The following UBASH3B variants were observed in gnomAD, a reference collection of about 807,000 sequenced individuals.
UBASH3B encodes the protein ubiquitin-associated and SH3 domain-containing protein B.
In UBASH3B, 37 loss-of-function variants were observed where a neutral mutation model predicts 83.4. That is an observed-to-expected ratio of 0.44 (90% CI 0.34 to 0.58). The LOEUF is 0.58. Among genes scored for constraint, UBASH3B ranks in the 20% least tolerant of loss-of-function variants. UBASH3B has a pLI of 0.01. For synonymous variants in UBASH3B, 304 were observed against 318.3 expected (o/e 0.96, Z 0.48); for missense variants, 657 against 827.2 (o/e 0.79, Z 2.52).
At chr11:122,717,227 C>T (rs762636842) in intron 1 of UBASH3B, among the ~76,000 whole-genome samples, 1 of 152,066 alleles carries the variant, frequency 6.6e-6, no homozygotes, top group Non-Finnish European at 1.5e-5. Flanking sequence ...GAGATTCTCT[C>T]TTCTTCTCCC....
chr11:122,743,408 G>T (rs1004500093), intron 1 of UBASH3B, among the ~76,000 whole-genome samples: 2 of 152,062 alleles, frequency 1.3e-5, no homozygotes, highest in African/African-American at 2.4e-5. Flanking sequence ...ACAGTTGGGG[G>T]TCTCGCTATG....
chr11:122,735,674 A>G (rs1381063934), intron 1 of UBASH3B, among the ~76,000 whole-genome samples: 1 of 152,218 alleles, frequency 6.6e-6, no homozygotes, highest in Admixed American at 6.5e-5. Context: ...GAAATATTTG[A>G]TCTGGACATA....
chr11:122,750,291 G>A (rs76386404), intron 1 of UBASH3B, among the ~76,000 whole-genome samples: 1,808 of 152,178 alleles, frequency 0.012, 33 homozygotes, highest in African/African-American at 0.041. Flanking sequence ...CTTTACTTCC[G>A]GCATATTGCT....
In UBASH3B at chr11:122,655,792, GAGCTGGGGGC is replaced by G; in HGVS notation, c.-254_-245del. ...AGGAGACAGGGCTACTGCAGGCGCAGAGCTGGGGGCAGCCGGGGGCCCGAGTGGCTGAGGC... is the reference window on the plus strand; with the variant it reads ...AGGAGACAGGGCTACTGCAGGCGCAGAGCCGGGGGCCCGAGTGGCTGAGGC... On this transcript the variant is annotated 5_prime_UTR_variant, in exon 1 of 14. Transcript: ENST00000284273. The G allele has an allele frequency of 2.3e-6, 1 of 431,412 alleles. No individual in the cohort carries two copies. Among genetic ancestry groups the G allele is most frequent in the Non-Finnish European group, 4.1e-6 (1 of 243,246 alleles). 26.7% of individuals were successfully genotyped at this position (431,412 alleles called of 1,614,324 possible).
chr11:122,809,891 C>A lies in UBASH3B; in HGVS notation c.*5C>A. ...GAGACCTTGCTTCAAGAATAAACCA[C>A]ACCAGTGAACAAGAAGGAAAGGCCT... On this transcript the variant is annotated 3_prime_UTR_variant, in exon 14 of 14. Coordinates refer to ENST00000284273, the MANE Select transcript of UBASH3B (RefSeq NM_032873.5). 1 of 1,612,824 alleles carries A rather than the reference C, an allele frequency of 6.2e-7. No individual in the cohort carries two copies. Among genetic ancestry groups the A allele is most frequent in the Non-Finnish European group, 8.5e-7 (1 of 1,179,656 alleles).
At chr11:122,796,525 G>A (rs1305094514) in intron 8 of UBASH3B, among the ~76,000 whole-genome samples, 1 of 152,156 alleles carries the variant, frequency 6.6e-6, no homozygotes, top group Non-Finnish European at 1.5e-5. Flanking sequence ...ATATGGCAAA[G>A]TCAGCAGCAG....
chr11:122,709,896 C>T (rs1325740522), intron 1 of UBASH3B, among the ~76,000 whole-genome samples: 1 of 152,134 alleles, frequency 6.6e-6, no homozygotes, highest in Non-Finnish European at 1.5e-5. Flanking sequence ...GTGGGTCGCG[C>T]CTGTAATCCC....
At chr11:122,791,082 C>A (rs1480077613) in intron 6 of UBASH3B, among the ~76,000 whole-genome samples, 1 of 152,204 alleles carries the variant, frequency 6.6e-6, no homozygotes, top group Non-Finnish European at 1.5e-5. Flanking sequence ...TCGGTCAGTG[C>A]GTCCCAGGGA....
At chr11:122,804,183 G>A (rs922365614) in intron 11 of UBASH3B, among the ~76,000 whole-genome samples, 12 of 152,126 alleles carry the variant, frequency 7.9e-5, no homozygotes, top group Non-Finnish European at 1.6e-4. Flanking sequence ...TGGGAGATGA[G>A]GTGACATAAA....
At chr11:122,767,820 A>G (rs1455754183) in intron 1 of UBASH3B, among the ~76,000 whole-genome samples, 2 of 152,226 alleles carry the variant, frequency 1.3e-5, no homozygotes, top group African/African-American at 4.8e-5. Flanking sequence ...CTGTAGAGAC[A>G]GGCAGGGTGG....
At chr11:122,725,309 A>T (rs1860714024) in intron 1 of UBASH3B, among the ~76,000 whole-genome samples, 1 of 141,362 alleles carries the variant, frequency 7.1e-6, no homozygotes, top group South Asian at 2.4e-4. Context: ...AGTTGCTGTG[A>T]TGAGCATAGC....
At chr11:122,772,929 A>G (rs1170773491) in intron 1 of UBASH3B, among the ~76,000 whole-genome samples, 2 of 152,240 alleles carry the variant, frequency 1.3e-5, no homozygotes, top group Non-Finnish European at 1.5e-5. Flanking sequence ...ATTTAGGTTC[A>G]CACATGACAA....
intron 1 of UBASH3B, among the ~76,000 whole-genome samples, chr11:122,747,296 G>A (rs1030909881): frequency 6.6e-6 from 1 of 152,236 alleles, no homozygotes; most frequent in Admixed American, 6.5e-5. Flanking sequence ...GTCTTAGCAA[G>A]AGCTTATGCA....
At chr11:122,697,127 G>C (rs58948783) in intron 1 of UBASH3B, among the ~76,000 whole-genome samples, 1 of 152,116 alleles carries the variant, frequency 6.6e-6, no homozygotes. Flanking sequence ...TTGAAGTTTT[G>C]TTTGACTGCT....
chr11:122,763,018 G>A (rs529480659), intron 1 of UBASH3B, among the ~76,000 whole-genome samples: 209 of 152,268 alleles, frequency 1.4e-3, no homozygotes, highest in African/African-American at 4.6e-3. Context: ...CTGTAAGGCC[G>A]TTATTACCGC....
At chr11:122,710,001 C>T (rs1486204885) in intron 1 of UBASH3B, among the ~76,000 whole-genome samples, 5 of 151,758 alleles carry the variant, frequency 3.3e-5, no homozygotes, top group Non-Finnish European at 7.4e-5. Flanking sequence ...ACTAAAATTA[C>T]AAAAATTAGC....
rs560935044 is a variant in UBASH3B at position 122,687,729 on chromosome 11, G to A, written c.161+31519G>A. Among the ~76,000 whole-genome samples the A allele has an allele frequency of 2.0e-5, 3 of 152,154 alleles. No individual in the cohort carries two copies. The South Asian group carries it at 6.2e-4, about 32-fold the overall frequency. On this transcript the variant is annotated intron_variant, in intron 1 of 13. Coordinates refer to ENST00000284273, the MANE Select transcript of UBASH3B (RefSeq NM_032873.5). ...GCATTTTAATCCATGTGTGCTTGAA[G>A]GCCAGCCTCTGCATTTCCCCCACCA...
chr11:122,694,700 G>A (rs992899672), intron 1 of UBASH3B, among the ~76,000 whole-genome samples: 12 of 152,122 alleles, frequency 7.9e-5, no homozygotes, highest in African/African-American at 2.4e-4. Flanking sequence ...ATTGATAATC[G>A]GAAGCCAGTG....
intron 1 of UBASH3B, among the ~76,000 whole-genome samples, chr11:122,659,177 A>G (rs1863401409): frequency 6.6e-6 from 1 of 152,108 alleles, no homozygotes. Flanking sequence ...TCTCAAGATC[A>G]TTATCTGCAA....
Sources: allele counts gnomAD v4.1 joint callset (sites outside exome capture counted in the v4.1 genomes callset), GRCh38; gene constraint gnomAD v4.1.1; transcripts MANE v1.5; gene names NCBI Gene and HGNC (gene_info 2026-07-23, HGNC 2026-07-21).